Variants in KIAA0319 observed in about 807,000 individuals in gnomAD.
The protein encoded by KIAA0319 is KIAA0319, also known as dyslexia-associated protein KIAA0319.
A neutral mutation model predicts 108.4 loss-of-function variants in KIAA0319; 83 were observed. That is an observed-to-expected ratio of 0.77 (90% CI 0.64 to 0.92). The LOEUF is 0.92. KIAA0319 is among the 40% of genes least tolerant of loss of function. The pLI, the probability that KIAA0319 is intolerant of heterozygous loss-of-function variation, is 0.00. For missense variants in KIAA0319, 1,195 were observed against 1,322.4 expected (o/e 0.90, Z 1.49); for synonymous variants, 484 against 510.4 (o/e 0.95, Z 0.70).
chr6:24,555,793 G>A (rs1476554497), intron 18 of KIAA0319, among the ~76,000 whole-genome samples: 1 of 152,138 alleles, frequency 6.6e-6, no homozygotes, highest in African/African-American at 2.4e-5. Flanking sequence ...GGAAGAGTGG[G>A]CCAAATTCTC....
chr6:24,596,010 C>A lies in KIAA0319; in HGVS notation c.664G>T (p.Ala222Ser), dbSNP rs1769491714. 1 of 1,614,080 alleles carries A rather than the reference C, an allele frequency of 6.2e-7. No individual in the cohort carries two copies. The highest frequency in any genetic ancestry group is 8.5e-7 in the Non-Finnish European group (1 of 1,180,046). Residue 222 changes from alanine to serine, a missense_variant, in exon 3 of 21, where the codon GCT becomes TCT. Transcript: ENST00000378214. ...GGGAGTTTTGGGGCAGGGGTTGAAG[C>A]CGACTCATTCAGGTAATGGAGCTCA... Reference protein sequence around the residue: ...DPELHYLNESASTPAPKLPER... With the variant: ...DPELHYLNESSSTPAPKLPER...
rs1297259830 is a variant in KIAA0319, at chr6:24,546,273, G to A, written c.*892C>T. The A allele has an allele frequency of 6.6e-6, 1 of 152,028 alleles. No homozygotes were observed. The highest frequency in any genetic ancestry group is 2.4e-5 in the African/African-American group (1 of 41,382). The allele number at this position is 152,028 out of a possible 1,614,324, so 9.4% of individuals were successfully genotyped here. On this transcript the variant is annotated 3_prime_UTR_variant, in exon 21 of 21. Coordinates refer to ENST00000378214, the MANE Select transcript of KIAA0319 (RefSeq NM_014809.4). ...TTTGGAATATATACACAATTGCTGA[G>A]TCGTTATCCCTATCTATGGCAGTCC... is the stretch of plus-strand genomic sequence containing the variant.
rs1760555582 is a variant in KIAA0319, at chr6:24,545,838, TCC to T, written c.*1325_*1326del. On this transcript the variant is annotated 3_prime_UTR_variant, in exon 21 of 21. Coordinates refer to ENST00000378214, the MANE Select transcript of KIAA0319 (RefSeq NM_014809.4). ...TTCATCAGCAATGCATTCCTAGTTT[TCC>T]CATGTGTTAAAAAAGCATTGTGCAA... 6.6e-6 allele frequency: 1 copy of T among 152,208 alleles called. No homozygotes were observed. Among genetic ancestry groups the T allele is most frequent in the South Asian group, 2.1e-4 (1 of 4,828 alleles). 9.4% of individuals were successfully genotyped at this position (152,208 alleles called of 1,614,324 possible). A position where few individuals can be genotyped will look rare whatever the true frequency, so the allele number is the denominator to read the frequency against.
intron 3 of KIAA0319, among the ~76,000 whole-genome samples, chr6:24,589,155 AT>A (rs1768032782): frequency 6.6e-6 from 1 of 152,182 alleles, no homozygotes; most frequent in African/African-American, 2.4e-5. Context: ...ATGTGATAGT[AT>A]TTGGAGGTAG....
At chr6:24,592,712 T>C (rs1230041287) in intron 3 of KIAA0319, among the ~76,000 whole-genome samples, 3 of 152,242 alleles carry the variant, frequency 2.0e-5, no homozygotes, top group African/African-American at 7.2e-5. Flanking sequence ...GGCTCACATA[T>C]GTAATCCTAG....
intron 2 of KIAA0319, chr6:24,597,947 A>AAAAAAAAAAC (rs1769973733): frequency 6.8e-6 from 1 of 147,806 alleles, no homozygotes; most frequent in African/African-American, 2.6e-5. Context: ...AAAAAAAAAA[A>AAAAAAAAAAC]AAACCACCTA....
At position 24,644,850 on chromosome 6, in the gene KIAA0319, A is replaced by G. The variant is rs1366201790; in HGVS notation, c.-106+886T>C. ...AATATGTTTACATTTCCCTTTTTCA[A>G]ATTACAGAGGAATTCACCTTTCTCT... On this transcript the variant is annotated intron_variant, in intron 1 of 20. Transcript: ENST00000378214. Among the ~76,000 whole-genome samples, 3 of 152,192 alleles carry G rather than the reference A, an allele frequency of 2.0e-5. No homozygotes were observed. The East Asian group carries it at 5.8e-4, about 29-fold the overall frequency.
chr6:24,600,422 T>A (rs1770450666), intron 2 of KIAA0319, among the ~76,000 whole-genome samples: 1 of 152,152 alleles, frequency 6.6e-6, no homozygotes, highest in Non-Finnish European at 1.5e-5. Context: ...TGGGTGCTTC[T>A]GAATCATCTC....
intron 6 of KIAA0319, among the ~76,000 whole-genome samples, 178 bp downstream of exon 6, chr6:24,582,071 G>A (rs888325699): frequency 7.9e-5 from 12 of 152,122 alleles, no homozygotes; most frequent in Non-Finnish European, 1.6e-4. Context: ...ACTTGAACCC[G>A]GGAGGCAGAG....
intron 16 of KIAA0319, among the ~76,000 whole-genome samples, chr6:24,561,791 C>G (rs1462440311): frequency 6.6e-6 from 1 of 152,144 alleles, no homozygotes; most frequent in Non-Finnish European, 1.5e-5. Context: ...CAACCTCTGC[C>G]TCCTAGGTTC....
At chr6:24,632,653 AAAATCCTCATCAACAAAG>A (rs1375649830) in intron 1 of KIAA0319, among the ~76,000 whole-genome samples, 1 of 152,230 alleles carries the variant, frequency 6.6e-6, no homozygotes, top group East Asian at 1.9e-4. Flanking sequence ...CTCAAACTGC[AAAATCCTCATCAACAAAG>A]AAAGAGATAG....
rs111869057 is a variant in KIAA0319 at position 24,639,741 on chromosome 6, G to C, written c.-106+5995C>G. 1.9e-3 allele frequency among the ~76,000 whole-genome samples: 296 copies of C among 151,886 alleles called. 1 individual carries two copies. Among genetic ancestry groups the C allele is most frequent in the African/African-American group, 6.8e-3 (280 of 41,432 alleles). ...CACGTGCCTATAGTCCCAGCTACTC[G>C]GGAGGCTGAGGCAGGAGAATCGCTT... On this transcript the variant is annotated intron_variant, in intron 1 of 20. Transcript: ENST00000378214.
intron 1 of KIAA0319, among the ~76,000 whole-genome samples, chr6:24,604,107 G>C (rs941700573): frequency 1.3e-5 from 2 of 152,202 alleles, no homozygotes; most frequent in African/African-American, 4.8e-5. Flanking sequence ...CACCTGCTTT[G>C]ATAAGGTAAA....
intron 8 of KIAA0319, among the ~76,000 whole-genome samples, chr6:24,579,410 A>AATATATATAT (rs1766037847): frequency 1.1e-5 from 1 of 88,062 alleles, no homozygotes; most frequent in Non-Finnish European, 2.0e-5. Context: ...CCTCTATATA[A>AATATATATAT]AGATATATAT....
intron 1 of KIAA0319, among the ~76,000 whole-genome samples, chr6:24,617,389 C>A (rs185639999): frequency 4.8e-4 from 73 of 151,950 alleles, no homozygotes; most frequent in African/African-American, 1.6e-3. Context: ...ATTTCTGTAT[C>A]TAGTAAAACA....
intron 8 of KIAA0319, among the ~76,000 whole-genome samples, chr6:24,579,092 G>A (rs548911306): frequency 1.6e-4 from 24 of 152,198 alleles, no homozygotes; most frequent in African/African-American, 4.6e-4. Flanking sequence ...CAAGGCAACC[G>A]TTCTTCCTCT....
At chr6:24,598,983 G>A (rs774322158) in intron 2 of KIAA0319, 1 of 663,972 alleles carries the variant, frequency 1.5e-6, no homozygotes. Flanking sequence ...AAAGCTGGAG[G>A]AGTCTCGCCT....
intron 11 of KIAA0319, 137 bp downstream of exon 11, chr6:24,572,438 T>C: frequency 1.1e-6 from 1 of 948,640 alleles, no homozygotes; most frequent in Non-Finnish European, 1.5e-6. Context: ...TTTAGAACCT[T>C]GAAATGAAAT....
At position 24,563,534 on chromosome 6, in the gene KIAA0319, A is replaced by C. The variant is rs1763398662; in HGVS notation, c.2432-16T>G. On this transcript the variant is annotated splice_polypyrimidine_tract_variant and intron_variant, in intron 15 of 20. Transcript: ENST00000378214. ...TTCCTAGGGTCTGGGGAAAGAGAAG[A>C]TACAGGATTTGCACTTGGACATTTG... is the stretch of plus-strand genomic sequence containing the variant. 1.3e-6 allele frequency: 2 copies of C among 1,596,932 alleles called. No individual in the cohort carries two copies. The highest frequency in any genetic ancestry group is 1.3e-5 in the African/African-American group (1 of 74,692).
Sources: allele counts gnomAD v4.1 joint callset (sites outside exome capture counted in the v4.1 genomes callset), GRCh38; gene constraint gnomAD v4.1.1; transcripts MANE v1.5; gene names NCBI Gene and HGNC (gene_info 2026-07-23, HGNC 2026-07-21).